VAV3: variants seen among roughly 807,000 people sequenced by gnomAD.
The protein encoded by VAV3 is guanine nucleotide exchange factor VAV3.
In VAV3, 94 loss-of-function variants were observed where a neutral mutation model predicts 131.2. The ratio of observed to expected loss-of-function variants is 0.72; its 90% CI spans 0.61 to 0.85. The LOEUF is 0.85. Ranked by LOEUF, VAV3 falls within the 40% of genes least tolerant of loss-of-function variation. The probability of loss-of-function intolerance (pLI) is 0.00; values close to 1 mark genes in which losing one functional copy is unlikely to be tolerated. For synonymous variants in VAV3, 349 were observed against 342.0 expected (o/e 1.02, Z -0.22); for missense variants, 939 against 1,002.7 (o/e 0.94, Z 0.86).
In VAV3 at chr1:107,777,096, T is replaced by C. The variant is rs530018569; in HGVS notation, c.446+135A>G. 6 of 759,346 alleles carry C rather than the reference T, an allele frequency of 7.9e-6. No individual in the cohort carries two copies. In the South Asian group the frequency reaches 7.9e-5, roughly 10 times the overall value. The allele number at this position is 759,346 out of a possible 1,614,324, so 47.0% of individuals were successfully genotyped here. ...GTACATTTTCTTGTAAAGCTTTCCATCGCCAGTTTAAGGTTAATCAGTAAT... is the reference window on the plus strand; with the variant it reads ...GTACATTTTCTTGTAAAGCTTTCCACCGCCAGTTTAAGGTTAATCAGTAAT... On this transcript the variant is annotated intron_variant, in intron 4 of 26. Transcript: ENST00000370056.
intron 2 of VAV3, among the ~76,000 whole-genome samples, chr1:107,834,151 T>C (rs1327222876): frequency 6.6e-6 from 1 of 152,214 alleles, no homozygotes; most frequent in Non-Finnish European, 1.5e-5. Context: ...TGTGTGGCCA[T>C]ATATAAACCC....
At chr1:107,910,322 G>T (rs1009195573) in intron 1 of VAV3, among the ~76,000 whole-genome samples, 8 of 152,148 alleles carry the variant, frequency 5.3e-5, no homozygotes, top group Admixed American at 2.0e-4. Flanking sequence ...AGGAACATAA[G>T]TGATAAAATC....
At chr1:107,953,023 A>C (rs1557944050) in intron 1 of VAV3, among the ~76,000 whole-genome samples, 3 of 152,178 alleles carry the variant, frequency 2.0e-5, no homozygotes, top group Non-Finnish European at 4.4e-5. Flanking sequence ...CTCATTTTAC[A>C]TTTCTAGGGC....
intron 3 of VAV3, among the ~76,000 whole-genome samples, chr1:107,779,216 T>A (rs749026582): frequency 6.6e-6 from 1 of 151,466 alleles, no homozygotes; most frequent in Non-Finnish European, 1.5e-5. Context: ...CACCTGTGAA[T>A]TGAGAACAAT....
At chr1:107,843,073 G>A (rs4914963) in intron 2 of VAV3, among the ~76,000 whole-genome samples, 12,777 of 151,828 alleles carry the variant, frequency 0.084, 780 homozygotes, top group East Asian at 0.23. Flanking sequence ...CCTTTACTCC[G>A]CCCTTCCCAA....
chr1:107,646,297 C>T (rs1655733003), intron 19 of VAV3, among the ~76,000 whole-genome samples: 1 of 152,006 alleles, frequency 6.6e-6, no homozygotes, highest in African/African-American at 2.4e-5. Flanking sequence ...AAAGTTGCTT[C>T]TCTCTTCTTG....
chr1:107,764,180 G>C (rs890747833), intron 9 of VAV3, among the ~76,000 whole-genome samples: 12 of 151,400 alleles, frequency 7.9e-5, no homozygotes, highest in African/African-American at 2.9e-4. Flanking sequence ...TTGTGATCAT[G>C]CACTCTGTTT....
intron 15 of VAV3, among the ~76,000 whole-genome samples, chr1:107,740,370 C>G (rs1662940920): frequency 6.6e-6 from 1 of 152,018 alleles, no homozygotes; most frequent in African/African-American, 2.4e-5. Flanking sequence ...CTGGCCTGGA[C>G]TCCGTGGGAC....
At chr1:107,825,924 A>G (rs1435561519) in intron 2 of VAV3, among the ~76,000 whole-genome samples, 1 of 152,204 alleles carries the variant, frequency 6.6e-6, no homozygotes, top group African/African-American at 2.4e-5. Context: ...TATATTGTAA[A>G]TCCCTATCTA....
chr1:107,913,618 A>G (rs1034701910), intron 1 of VAV3, among the ~76,000 whole-genome samples: 4 of 152,320 alleles, frequency 2.6e-5, no homozygotes, highest in South Asian at 2.1e-4. Flanking sequence ...CATGAAATAC[A>G]TAAGTACACA....
At chr1:107,901,936 G>A (rs552161190) in intron 1 of VAV3, among the ~76,000 whole-genome samples, 44 of 151,968 alleles carry the variant, frequency 2.9e-4, no homozygotes, top group African/African-American at 9.2e-4. Context: ...CCAGCTACTC[G>A]GGAGGCTGAG....
chr1:107,945,295 G>A (rs1393600438), intron 1 of VAV3, among the ~76,000 whole-genome samples: 1 of 152,114 alleles, frequency 6.6e-6, no homozygotes, highest in Admixed American at 6.5e-5. Flanking sequence ...AGAGGCCCTT[G>A]AAAAACACCT....
At position 107,796,881 on chromosome 1, in the gene VAV3, T is replaced by C. The variant is rs2102289265; in HGVS notation, c.322-17389A>G. On this transcript the variant is annotated intron_variant, in intron 2 of 26. Transcript: ENST00000370056. ...TGCATACTGATTAAAATGTTTGCCATCCATATATCTGAATCATTTTGTTAC... is the reference window on the plus strand; with the variant it reads ...TGCATACTGATTAAAATGTTTGCCACCCATATATCTGAATCATTTTGTTAC... Among the ~76,000 whole-genome samples the C allele has an allele frequency of 1.3e-5, 2 of 151,666 alleles. 1 individual carries two copies. Among genetic ancestry groups the C allele is most frequent in the South Asian group, 4.1e-4 (2 of 4,830 alleles).
At position 107,576,613 on chromosome 1, in the gene VAV3, T is replaced by C. The variant is rs771167937; in HGVS notation, c.2351-2415A>G. 12 of 723,332 alleles carry C rather than the reference T, an allele frequency of 1.7e-5. No homozygotes were observed. In the Admixed American group the frequency reaches 2.5e-4, roughly 15 times the overall value. 44.8% of individuals were successfully genotyped at this position (723,332 alleles called of 1,614,324 possible). On this transcript the variant is annotated intron_variant, in intron 25 of 26. Coordinates refer to ENST00000370056, the MANE Select transcript of VAV3 (RefSeq NM_006113.5). ...AACAAGCCAAACTTTTACATTTTGATAGACAATAGTATTTTGCAATTCAGA... is the reference window on the plus strand; with the variant it reads ...AACAAGCCAAACTTTTACATTTTGACAGACAATAGTATTTTGCAATTCAGA...
At chr1:107,656,696 A>T (rs1049418601) in intron 19 of VAV3, among the ~76,000 whole-genome samples, 9 of 152,176 alleles carry the variant, frequency 5.9e-5, no homozygotes, top group Non-Finnish European at 1.2e-4. Context: ...GTATCAAATT[A>T]TTGCAGGTAC....
intron 15 of VAV3, among the ~76,000 whole-genome samples, chr1:107,721,668 C>T (rs1185614366): frequency 6.6e-6 from 1 of 152,102 alleles, no homozygotes; most frequent in African/African-American, 2.4e-5. Context: ...ATCACAACAT[C>T]TAGGTATCAA....
intron 2 of VAV3, among the ~76,000 whole-genome samples, chr1:107,854,037 G>C (rs901844248): frequency 6.6e-6 from 1 of 152,156 alleles, no homozygotes; most frequent in Non-Finnish European, 1.5e-5. Context: ...GGCCAGGCAT[G>C]GCAGCTCACG....
intron 17 of VAV3, among the ~76,000 whole-genome samples, chr1:107,702,076 A>C (rs1447478317): frequency 6.6e-6 from 1 of 152,204 alleles, no homozygotes; most frequent in African/African-American, 2.4e-5. Flanking sequence ...TCCCACTGCT[A>C]TAATGTAATA....
At chr1:107,870,153 G>A (rs975462776) in intron 2 of VAV3, among the ~76,000 whole-genome samples, 23 of 152,172 alleles carry the variant, frequency 1.5e-4, no homozygotes, top group Non-Finnish European at 2.8e-4. Context: ...TAGATACCCA[G>A]TAGTGGGACT....
Sources: allele counts gnomAD v4.1 joint callset (sites outside exome capture counted in the v4.1 genomes callset), GRCh38; gene constraint gnomAD v4.1.1; transcripts MANE v1.5; gene names NCBI Gene and HGNC (gene_info 2026-07-23, HGNC 2026-07-21).